Variants in ZNRF1 observed in about 807,000 individuals in gnomAD.
The protein encoded by ZNRF1 is E3 ubiquitin-protein ligase ZNRF1.
Under a neutral mutation model 18.4 loss-of-function variants are expected in ZNRF1, and 3 were observed. The ratio of observed to expected loss-of-function variants is 0.16; its 90% CI spans 0.07 to 0.42. The LOEUF is 0.42. Among genes scored for constraint, ZNRF1 ranks in the 10% least tolerant of loss-of-function variants. ZNRF1 has a pLI of 0.99. For missense variants in ZNRF1, 310 were observed against 329.8 expected, an observed-to-expected ratio of 0.94 and a Z score of 0.47; for synonymous variants, 157 against 144.2, an observed-to-expected ratio of 1.09 and a Z score of -0.64.
chr16:75,032,311 GTT>G (rs56170331), intron 1 of ZNRF1, among the ~76,000 whole-genome samples: 60,688 of 151,386 alleles, frequency 0.4, 14,621 homozygotes, highest in Non-Finnish European at 0.55. Flanking sequence ...GTTTCACCAT[GTT>G]GGCCAGGCTG....
intron 1 of ZNRF1, among the ~76,000 whole-genome samples, chr16:75,057,801 C>G (rs1480934533): frequency 6.6e-6 from 1 of 152,160 alleles, no homozygotes; most frequent in African/African-American, 2.4e-5. Flanking sequence ...CTACCACACC[C>G]AGCTAATTAT....
chr16:75,040,075 T>C (rs2145360506), intron 1 of ZNRF1, among the ~76,000 whole-genome samples: 1 of 122,926 alleles, frequency 8.1e-6, no homozygotes, highest in African/African-American at 2.9e-5. Context: ...TTTTGAGTCT[T>C]ACTCTGTCAC....
intron 1 of ZNRF1, among the ~76,000 whole-genome samples, chr16:75,048,805 T>C (rs904065596): frequency 1.3e-5 from 2 of 152,214 alleles, no homozygotes; most frequent in Admixed American, 6.5e-5. Context: ...CTGCCAACTC[T>C]GAAATGGTGC....
At chr16:75,005,429 A>G (rs139935391) in intron 1 of ZNRF1, among the ~76,000 whole-genome samples, 17 of 152,334 alleles carry the variant, frequency 1.1e-4, no homozygotes, top group African/African-American at 3.8e-4. Context: ...ATATCATGTC[A>G]CAAGGAATAC....
intron 1 of ZNRF1, among the ~76,000 whole-genome samples, chr16:75,036,957 G>A (rs549459416): frequency 3.3e-4 from 51 of 152,276 alleles, no homozygotes; most frequent in African/African-American, 1.2e-3. Flanking sequence ...GAGAAGGTGA[G>A]CATGAACTTG....
intron 1 of ZNRF1, among the ~76,000 whole-genome samples, chr16:75,020,973 C>A (rs1368644744): frequency 1.3e-5 from 2 of 152,140 alleles, no homozygotes; most frequent in Non-Finnish European, 2.9e-5. Context: ...TACTCTCTTC[C>A]CAAATAGAAA....
At position 75,056,140 on chromosome 16, in the gene ZNRF1, CT is replaced by C. The variant is rs767650606; in HGVS notation, c.425-37427del. ...CTCTCCCCATATCACATTAAGACTC[CT>C]TTTTATATATAGTTTGAAGTTTAAG... On this transcript the variant is annotated intron_variant, in intron 1 of 4. Transcript: ENST00000335325. Among the ~76,000 whole-genome samples, 94 of 152,290 alleles carry C rather than the reference CT, an allele frequency of 6.2e-4. No individual in the cohort carries two copies. In the Middle Eastern group the frequency reaches 0.014, roughly 22 times the overall value.
intron 4 of ZNRF1, 191 bp from the exon 5 acceptor site, chr16:75,107,542 G>C (rs2036332343): frequency 2.9e-6 from 1 of 350,624 alleles, no homozygotes; most frequent in Admixed American, 3.7e-5. Flanking sequence ...GAAAGAGCCA[G>C]GGGGGAGAGT....
At chr16:75,062,488 CTG>C (rs2035756040) in intron 1 of ZNRF1, among the ~76,000 whole-genome samples, 1 of 152,260 alleles carries the variant, frequency 6.6e-6, no homozygotes, top group African/African-American at 2.4e-5. Flanking sequence ...CAAATATGGA[CTG>C]TGTCTTTACC....
At chr16:75,055,860 ACT>A (rs1567480534) in intron 1 of ZNRF1, among the ~76,000 whole-genome samples, 19 of 152,202 alleles carry the variant, frequency 1.2e-4, no homozygotes, top group Admixed American at 7.2e-4. Flanking sequence ...CTTGTCTCCA[ACT>A]GGGCACATCC....
chr16:75,055,259 C>T (rs1313299758), intron 1 of ZNRF1, among the ~76,000 whole-genome samples: 1 of 152,212 alleles, frequency 6.6e-6, no homozygotes, highest in Non-Finnish European at 1.5e-5. Flanking sequence ...CACTGGCTTA[C>T]TAGAACTTAT....
chr16:75,048,350 A>G (rs1191731653), intron 1 of ZNRF1, among the ~76,000 whole-genome samples: 2 of 152,122 alleles, frequency 1.3e-5, no homozygotes, highest in African/African-American at 2.4e-5. Context: ...TTATTTTCAA[A>G]TATAGTCACA....
At chr16:75,078,942 G>T (rs1020608950) in intron 1 of ZNRF1, among the ~76,000 whole-genome samples, 4 of 152,100 alleles carry the variant, frequency 2.6e-5, no homozygotes, top group African/African-American at 7.2e-5. Context: ...CTGTTATTAT[G>T]AATCAAGATT....
intron 1 of ZNRF1, among the ~76,000 whole-genome samples, chr16:75,001,729 T>C (rs1345124486): frequency 1.3e-5 from 2 of 152,220 alleles, no homozygotes; most frequent in Admixed American, 1.3e-4. Flanking sequence ...ATATGAGATA[T>C]GTAGGGAGGA....
At chr16:75,070,378 T>C (rs542446343) in intron 1 of ZNRF1, among the ~76,000 whole-genome samples, 34 of 152,322 alleles carry the variant, frequency 2.2e-4, no homozygotes, top group African/African-American at 7.9e-4. Flanking sequence ...CAAAGTAATA[T>C]TTCTGAAATA....
chr16:75,021,143 T>G lies in ZNRF1; in HGVS notation c.424+21048T>G, dbSNP rs550841745. Among the ~76,000 whole-genome samples, 46 of 152,232 alleles carry G rather than the reference T, an allele frequency of 3.0e-4. No homozygotes were observed. In the South Asian group the frequency reaches 9.3e-3, roughly 31 times the overall value. On this transcript the variant is annotated intron_variant, in intron 1 of 4. Transcript: ENST00000335325. ...GCAACGTCCACCTCCCGGGTTCAAG[T>G]GATTCTCCTGCCTCAGCCTCGCAAG...
chr16:75,063,328 C>T (rs2145391031), intron 1 of ZNRF1, among the ~76,000 whole-genome samples: 1 of 152,300 alleles, frequency 6.6e-6, no homozygotes, highest in East Asian at 1.9e-4. Context: ...CCTCTAGCCT[C>T]CCTGTGGGGT....
chr16:75,020,550 C>CTT (rs920704129), intron 1 of ZNRF1, among the ~76,000 whole-genome samples: 2 of 146,450 alleles, frequency 1.4e-5, no homozygotes, highest in Non-Finnish European at 3.0e-5. Context: ...CTTTTCTTTT[C>CTT]TTTTTTTTTG....
chr16:75,050,885 AAAACAAAAAAAAAC>A lies in ZNRF1; in HGVS notation c.425-42683_425-42670del, dbSNP rs1490053886. On this transcript the variant is annotated intron_variant, in intron 1 of 4. Coordinates refer to ENST00000335325, the MANE Select transcript of ZNRF1 (RefSeq NM_032268.5). Reference sequence around the variant, plus strand: ...GACTCCGTCTCAAAAAAAAAAAAAAAAAACAAAAAAAAACAAAAAACTTGTAGCCAGGTACAGTG... The same window carrying A: ...GACTCCGTCTCAAAAAAAAAAAAAAAAAAAAACTTGTAGCCAGGTACAGTG... 3.9e-4 allele frequency among the ~76,000 whole-genome samples: 39 copies of A among 99,614 alleles called. 2 individuals carry two copies. The highest frequency in any genetic ancestry group is 1.2e-3 in the South Asian group (4 of 3,374). 65.4% of individuals were successfully genotyped at this position (99,614 alleles called of 152,430 possible).
Sources: allele counts gnomAD v4.1 joint callset (sites outside exome capture counted in the v4.1 genomes callset), GRCh38; gene constraint gnomAD v4.1.1; transcripts MANE v1.5; gene names NCBI Gene and HGNC (gene_info 2026-07-23, HGNC 2026-07-21).